The following FBXL20 variants were observed in gnomAD, a reference collection of about 807,000 sequenced individuals.
FBXL20 encodes F-box and leucine rich repeat protein 20.
Under a neutral mutation model 64.0 loss-of-function variants are expected in FBXL20, and 11 were observed. The observed-to-expected ratio is 0.17, with a 90% CI of 0.11 to 0.28. The LOEUF is 0.28. Among genes scored for constraint, FBXL20 ranks in the 10% least tolerant of loss-of-function variants. The probability of loss-of-function intolerance (pLI) is 1.00; values close to 1 mark genes in which losing one functional copy is unlikely to be tolerated. For synonymous variants in FBXL20, 184 were observed against 189.0 expected (o/e 0.97, Z 0.22); for missense variants, 303 against 526.2 (o/e 0.58, Z 4.15).
intron 1 of FBXL20, among the ~76,000 whole-genome samples, chr17:39,395,350 G>A (rs1041764808): frequency 9.9e-5 from 15 of 152,188 alleles, no homozygotes; most frequent in Admixed American, 5.9e-4. Flanking sequence ...CTTGAACCTG[G>A]GAGGTGGAGA....
At chr17:39,271,215 A>C (rs2046840340) in intron 10 of FBXL20, among the ~76,000 whole-genome samples, 1 of 152,180 alleles carries the variant, frequency 6.6e-6, no homozygotes, top group South Asian at 2.1e-4. Context: ...GGAAACGGAG[A>C]TACTCTATTT....
At chr17:39,318,910 A>G (rs1217449037) in intron 2 of FBXL20, among the ~76,000 whole-genome samples, 1 of 152,138 alleles carries the variant, frequency 6.6e-6, no homozygotes, top group Non-Finnish European at 1.5e-5. Flanking sequence ...AGTCTTTGTT[A>G]TTTCCAACTT....
intron 1 of FBXL20, among the ~76,000 whole-genome samples, chr17:39,346,522 T>A (rs1262472349): frequency 6.6e-6 from 1 of 151,980 alleles, no homozygotes; most frequent in Non-Finnish European, 1.5e-5. Flanking sequence ...AAAATTATGG[T>A]CCAAGTAAAA....
intron 2 of FBXL20, among the ~76,000 whole-genome samples, chr17:39,340,064 G>A (rs2047567376): frequency 6.6e-6 from 1 of 152,152 alleles, no homozygotes; most frequent in South Asian, 2.1e-4. Context: ...CCAAGTAGCT[G>A]GGATGCCCGC....
chr17:39,362,612 C>G (rs550148000), intron 1 of FBXL20, among the ~76,000 whole-genome samples: 1 of 145,246 alleles, frequency 6.9e-6, no homozygotes, highest in Non-Finnish European at 1.5e-5. Flanking sequence ...CGTGAGCCAC[C>G]ACACCCGGCT....
At chr17:39,401,996 G>GCCCCTCTTCTGCCCCGTGTC (rs2048253081), upstream of FBXL20, 7 of 521,016 alleles carry the variant, frequency 1.3e-5, no homozygotes, top group Non-Finnish European at 2.1e-5. Context: ...CTGCGCGGGG[G>GCCCCTCTTCTGCCCCGTGTC]CCCCTCTTCT....
chr17:39,337,341 T>C (rs2047533423), intron 2 of FBXL20, among the ~76,000 whole-genome samples: 1 of 151,976 alleles, frequency 6.6e-6, no homozygotes, highest in South Asian at 2.1e-4. Flanking sequence ...CGCTACAACC[T>C]CCACCTCCCA....
chr17:39,267,575 G>C lies in FBXL20; in HGVS notation c.933+1252C>G, dbSNP rs1007189201. On this transcript the variant is annotated intron_variant, in intron 12 of 14. Transcript: ENST00000264658. ...GCCACTACTCAGTATCGATAACTTG[G>C]GTTATTTTCCCAAGGGTGGCAGCCA... is the stretch of plus-strand genomic sequence containing the variant. Among the ~76,000 whole-genome samples, 15 of 152,268 alleles carry C rather than the reference G, an allele frequency of 9.9e-5. No individual in the cohort carries two copies. In the East Asian group the frequency reaches 2.7e-3, roughly 27 times the overall value.
chr17:39,381,402 C>T (rs943832950), intron 1 of FBXL20, among the ~76,000 whole-genome samples: 2 of 150,824 alleles, frequency 1.3e-5, no homozygotes, highest in African/African-American at 4.9e-5. Context: ...ATCACTTGAG[C>T]CCAAGAGGCA....
chr17:39,359,212 T>C (rs2047771014), intron 1 of FBXL20, among the ~76,000 whole-genome samples: 1 of 152,070 alleles, frequency 6.6e-6, no homozygotes, highest in South Asian at 2.1e-4. Context: ...CACTTGTACC[T>C]GTAGTCCCAG....
intron 9 of FBXL20, 26 bp downstream of exon 9, chr17:39,281,363 G>A: frequency 6.2e-7 from 1 of 1,605,332 alleles, no homozygotes; most frequent in South Asian, 1.1e-5. Context: ...TACTAAAACA[G>A]AAGAGTTGTG....
At chr17:39,309,531 G>A (rs1427909647) in intron 2 of FBXL20, among the ~76,000 whole-genome samples, 1 of 151,992 alleles carries the variant, frequency 6.6e-6, no homozygotes. Context: ...TAGAGACAGA[G>A]TTTTTGCTCT....
chr17:39,362,024 A>G (rs1298432183), intron 1 of FBXL20, among the ~76,000 whole-genome samples: 1 of 151,044 alleles, frequency 6.6e-6, no homozygotes, highest in Admixed American at 6.6e-5. Flanking sequence ...ATGGTGGCTG[A>G]TACCTGTAAT....
chr17:39,338,996 G>A (rs529871219), intron 2 of FBXL20, among the ~76,000 whole-genome samples: 3 of 151,800 alleles, frequency 2.0e-5, no homozygotes, highest in East Asian at 1.9e-4. Flanking sequence ...GTGAATCCCT[G>A]TCTCTACCAA....
At chr17:39,268,321 C>G (rs2046810478) in intron 12 of FBXL20, among the ~76,000 whole-genome samples, 1 of 151,882 alleles carries the variant, frequency 6.6e-6, no homozygotes, top group Non-Finnish European at 1.5e-5. Flanking sequence ...CCACTGCACT[C>G]CAGCCTGGGC....
intron 1 of FBXL20, among the ~76,000 whole-genome samples, chr17:39,356,368 T>C (rs1567894147): frequency 6.6e-6 from 1 of 151,126 alleles, no homozygotes; most frequent in Non-Finnish European, 1.5e-5. Context: ...CCATCTGTTT[T>C]GTTTTGAGAC....
chr17:39,382,644 G>A (rs1387223231), intron 1 of FBXL20, among the ~76,000 whole-genome samples: 2 of 151,934 alleles, frequency 1.3e-5, no homozygotes, highest in African/African-American at 2.4e-5. Context: ...ACCAATCTGG[G>A]CAAGATAGGA....
In FBXL20 at chr17:39,330,160, G is replaced by C. The variant is rs9896394; in HGVS notation, c.104+13020C>G. 6.3e-3 allele frequency among the ~76,000 whole-genome samples: 954 copies of C among 151,864 alleles called. 16 individuals carry two copies. Among genetic ancestry groups the C allele is most frequent in the African/African-American group, 0.022 (913 of 41,368 alleles). Reference sequence around the variant, plus strand: ...TACAAAACAAATATTAGCCGGGCATGATGGTGGCTGCCTGTAATCCCAGCT... The same window carrying C: ...TACAAAACAAATATTAGCCGGGCATCATGGTGGCTGCCTGTAATCCCAGCT... On this transcript the variant is annotated intron_variant, in intron 2 of 14. Coordinates refer to ENST00000264658, the MANE Select transcript of FBXL20 (RefSeq NM_032875.3).
At chr17:39,372,986 T>C (rs150454382) in intron 1 of FBXL20, among the ~76,000 whole-genome samples, 3 of 152,068 alleles carry the variant, frequency 2.0e-5, no homozygotes, top group Non-Finnish European at 2.9e-5. Context: ...TTGATTAAAT[T>C]AGACTACTTA....
Sources: gnomAD v4.1 joint callset for allele counts (sites outside exome capture counted in the v4.1 genomes callset) on GRCh38, gnomAD v4.1.1 for gene constraint, MANE v1.5 for transcripts, NCBI Gene and HGNC (gene_info 2026-07-23, HGNC 2026-07-21) for gene names.